Variants in SLC16A7 observed in about 807,000 individuals in gnomAD.
SLC16A7 encodes the protein monocarboxylate transporter 2.
In SLC16A7, 33 loss-of-function variants were observed where a neutral mutation model predicts 34.9. The observed-to-expected ratio is 0.94, with a 90% CI of 0.72 to 1.26. The LOEUF is 1.26. SLC16A7 is among the 50% of genes most tolerant of loss of function. SLC16A7 has a pLI of 0.00. For missense variants in SLC16A7, 573 were observed against 578.1 expected, an observed-to-expected ratio of 0.99 and a Z score of 0.09; for synonymous variants, 201 against 206.6, an observed-to-expected ratio of 0.97 and a Z score of 0.23.
At chr12:59,740,494 T>C (rs1171258026) in intron 3 of SLC16A7, among the ~76,000 whole-genome samples, 1 of 152,150 alleles carries the variant, frequency 6.6e-6, no homozygotes, top group Non-Finnish European at 1.5e-5. Flanking sequence ...GAAAAGGCCT[T>C]TGACAAAATT....
chr12:59,758,093 A>G (rs1225232420), intron 3 of SLC16A7, among the ~76,000 whole-genome samples: 1 of 152,118 alleles, frequency 6.6e-6, no homozygotes, highest in Non-Finnish European at 1.5e-5. Context: ...CCAATCCTCC[A>G]TGCATTCAAA....
chr12:59,779,289 TTTTTTA>T (rs1224752856), intron 5 of SLC16A7, 128 bp from the exon 6 acceptor site: 1 of 660,132 alleles, frequency 1.5e-6, no homozygotes, highest in South Asian at 2.6e-5. Flanking sequence ...TAATCTAGAT[TTTTTTA>T]TTTTTAAAGT....
At position 59,631,935 on chromosome 12, in the gene SLC16A7, G is replaced by A. The variant is rs192913217; in HGVS notation, c.-129-23217G>A. ...TTGTGTGTATGTTTGTTTGTGTGTG[G>A]GAAGTGGGGTGGGAAGAAATAAATA... On this transcript the variant is annotated intron_variant, in intron 1 of 5. Transcript: ENST00000547379. Among the ~76,000 whole-genome samples the A allele has an allele frequency of 3.9e-4, 59 of 151,978 alleles. 2 individuals carry two copies. Among genetic ancestry groups the A allele is most frequent in the Admixed American group, 3.9e-3 (59 of 15,232 alleles).
chr12:59,687,098 T>TA (rs200073202), intron 2 of SLC16A7, among the ~76,000 whole-genome samples: 14 of 150,686 alleles, frequency 9.3e-5, no homozygotes, highest in South Asian at 2.1e-4. Context: ...TCATATAAAC[T>TA]AAAAAAAAAT....
intron 1 of SLC16A7, among the ~76,000 whole-genome samples, chr12:59,604,587 A>T (rs940366785): frequency 6.6e-6 from 1 of 152,220 alleles, no homozygotes; most frequent in African/African-American, 2.4e-5. Flanking sequence ...TTTGTTGAAC[A>T]CTTCTATATT....
At chr12:59,617,232 G>T (rs1592395592) in intron 1 of SLC16A7, among the ~76,000 whole-genome samples, 1 of 151,914 alleles carries the variant, frequency 6.6e-6, no homozygotes, top group African/African-American at 2.4e-5. Flanking sequence ...AAGGCAAAAT[G>T]ATTCCTTCTT....
chr12:59,692,166 C>G (rs1024193498), intron 2 of SLC16A7, among the ~76,000 whole-genome samples: 4 of 151,944 alleles, frequency 2.6e-5, no homozygotes, highest in Non-Finnish European at 5.9e-5. Flanking sequence ...GGCCTCCATC[C>G]TCACATCACA....
chr12:59,622,711 A>G (rs1444511191), intron 1 of SLC16A7, among the ~76,000 whole-genome samples: 2 of 151,840 alleles, frequency 1.3e-5, no homozygotes, highest in African/African-American at 2.4e-5. Context: ...ATTTTTCTGC[A>G]CTGGTAGAAA....
rs1407056828 is a variant in SLC16A7, at chr12:59,784,371, C to G, written c.*4692C>G. The stretch of plus-strand genomic sequence containing the variant: ...TAGGCAATAGAGTGAGAATCTGTCT[C>G]TATTAAAAAAAAAATAAAATGTTCT... On this transcript the variant is annotated 3_prime_UTR_variant, in exon 6 of 6. Transcript: ENST00000547379. 2 of 150,448 alleles carry G rather than the reference C, an allele frequency of 1.3e-5. No homozygotes were observed. The highest frequency in any genetic ancestry group is 2.5e-5 in the African/African-American group (1 of 40,788). The allele number at this position is 150,448 out of a possible 1,614,324, so 9.3% of individuals were successfully genotyped here.
chr12:59,771,895 A>G (rs968816956), intron 4 of SLC16A7, among the ~76,000 whole-genome samples: 3 of 152,262 alleles, frequency 2.0e-5, no homozygotes, highest in Admixed American at 6.5e-5. Context: ...TCTTACTGAA[A>G]TGATCCTGTT....
At chr12:59,604,473 C>T (rs1878838960) in intron 1 of SLC16A7, among the ~76,000 whole-genome samples, 1 of 152,122 alleles carries the variant, frequency 6.6e-6, no homozygotes. Context: ...ACAAACATGT[C>T]TTGTGTGTGT....
chr12:59,670,233 A>T (rs1048689736), intron 2 of SLC16A7, among the ~76,000 whole-genome samples: 5 of 152,176 alleles, frequency 3.3e-5, no homozygotes, highest in Non-Finnish European at 5.9e-5. Flanking sequence ...TCTTCTTATA[A>T]GATCATCTGT....
chr12:59,603,084 C>T (rs959739429), intron 1 of SLC16A7, among the ~76,000 whole-genome samples: 5 of 152,168 alleles, frequency 3.3e-5, no homozygotes, highest in African/African-American at 1.2e-4. Context: ...ACCACCCTTT[C>T]TCTGGACTTG....
intron 3 of SLC16A7, among the ~76,000 whole-genome samples, chr12:59,721,203 C>T (rs1157771611): frequency 6.6e-6 from 1 of 152,008 alleles, no homozygotes; most frequent in East Asian, 1.9e-4. Flanking sequence ...AAGCCACTGT[C>T]TTCCCTCCTT....
intron 3 of SLC16A7, chr12:59,761,142 T>C: frequency 7.8e-7 from 1 of 1,284,672 alleles, no homozygotes; most frequent in African/African-American, 1.5e-5. Context: ...ATTTGAAAGC[T>C]TTTTGATCTT....
At chr12:59,750,482 G>A (rs942651315) in intron 3 of SLC16A7, among the ~76,000 whole-genome samples, 1 of 152,170 alleles carries the variant, frequency 6.6e-6, no homozygotes, top group African/African-American at 2.4e-5. Flanking sequence ...CTGGTCATTA[G>A]AGAAATGCAA....
At chr12:59,675,512 G>A (rs554425885) in intron 2 of SLC16A7, among the ~76,000 whole-genome samples, 1 of 152,238 alleles carries the variant, frequency 6.6e-6, no homozygotes, top group South Asian at 2.1e-4. Context: ...AATTTCCATT[G>A]TTGAAGCCAC....
intron 4 of SLC16A7, 88 bp from the exon 5 acceptor site, chr12:59,774,569 A>T: frequency 2.7e-6 from 2 of 753,482 alleles, no homozygotes; most frequent in Non-Finnish European, 4.3e-6. Flanking sequence ...TGCCTTTCCC[A>T]CTTGAATGTA....
intron 3 of SLC16A7, among the ~76,000 whole-genome samples, chr12:59,722,283 C>T (rs1000156159): frequency 6.6e-6 from 1 of 151,952 alleles, no homozygotes; most frequent in African/African-American, 2.4e-5. Context: ...ATTGGTTCTG[C>T]CTTCTAAATA....
Sources: allele counts gnomAD v4.1 joint callset (sites outside exome capture counted in the v4.1 genomes callset), GRCh38; gene constraint gnomAD v4.1.1; transcripts MANE v1.5; gene names NCBI Gene and HGNC (gene_info 2026-07-23, HGNC 2026-07-21).